Variants in PDE8A observed in about 807,000 individuals in gnomAD.
The protein encoded by PDE8A is high affinity cAMP-specific and IBMX-insensitive 3',5'-cyclic phosphodiesterase 8A.
Under a neutral mutation model 105.0 loss-of-function variants are expected in PDE8A, and 59 were observed. The ratio of observed to expected loss-of-function variants is 0.56; its 90% confidence interval spans 0.46 to 0.70. The LOEUF is 0.70. Ranked by LOEUF, PDE8A falls within the 30% of genes least tolerant of loss-of-function variation. PDE8A has a pLI of 0.00. For missense variants in PDE8A, 1,014 were observed against 1,045.9 expected, an observed-to-expected ratio of 0.97 and a Z score of 0.42; for synonymous variants, 355 against 371.9, an observed-to-expected ratio of 0.95 and a Z score of 0.52.
At chr15:85,023,681 A>G (rs2080466403) in intron 1 of PDE8A, among the ~76,000 whole-genome samples, 1 of 152,190 alleles carries the variant, frequency 6.6e-6, no homozygotes, top group African/African-American at 2.4e-5. Context: ...GTTCTGGCTG[A>G]TGAGGGGCTG....
intron 9 of PDE8A, among the ~76,000 whole-genome samples, chr15:85,099,422 T>G (rs1207177762): frequency 6.6e-6 from 1 of 152,254 alleles, no homozygotes; most frequent in Non-Finnish European, 1.5e-5. Context: ...TCTGATTCTT[T>G]GCCCTTTTAT....
chr15:84,984,291 A>G (rs1025835901), intron 1 of PDE8A, among the ~76,000 whole-genome samples: 1 of 152,246 alleles, frequency 6.6e-6, no homozygotes, highest in African/African-American at 2.4e-5. Flanking sequence ...GCATTTAGGC[A>G]TGTCAGATAG....
At chr15:85,113,298 G>A (rs1014550339) in intron 12 of PDE8A, 79 bp from the exon 13 acceptor site, 8 of 1,150,084 alleles carry the variant, frequency 7.0e-6, no homozygotes, top group African/African-American at 4.6e-5. Flanking sequence ...TCATGCAGCC[G>A]AGCACACTGA....
At chr15:85,031,017 C>T (rs959517760) in intron 1 of PDE8A, among the ~76,000 whole-genome samples, 4 of 152,182 alleles carry the variant, frequency 2.6e-5, no homozygotes, top group South Asian at 2.1e-4. Flanking sequence ...ACGTTTAGCG[C>T]ATAAAAGGTG....
intron 11 of PDE8A, among the ~76,000 whole-genome samples, chr15:85,108,462 T>C (rs1046220217): frequency 6.6e-6 from 1 of 151,962 alleles, no homozygotes; most frequent in Non-Finnish European, 1.5e-5. Flanking sequence ...GCCTTGTCAG[T>C]GATTGGTTTG....
chr15:85,086,942 T>G (rs1404005534), intron 6 of PDE8A, among the ~76,000 whole-genome samples: 2 of 152,032 alleles, frequency 1.3e-5, no homozygotes, highest in Non-Finnish European at 2.9e-5. Context: ...ATTGTATTTT[T>G]TAGTAGATAC....
chr15:85,136,747 G>A, intron 21 of PDE8A, 84 bp downstream of exon 21: 3 of 1,361,580 alleles, frequency 2.2e-6, no homozygotes, highest in Non-Finnish European at 3.0e-6. Flanking sequence ...TTTGACTGTA[G>A]AATATGATTT....
intron 1 of PDE8A, among the ~76,000 whole-genome samples, chr15:85,048,710 C>G (rs1179084684): frequency 3.9e-5 from 6 of 152,220 alleles, no homozygotes; most frequent in Non-Finnish European, 5.9e-5. Flanking sequence ...ATCGTTCAAA[C>G]TGGTCTCTCA....
chr15:85,051,334 T>C (rs1021522402), intron 1 of PDE8A, among the ~76,000 whole-genome samples: 1 of 152,258 alleles, frequency 6.6e-6, no homozygotes, highest in Non-Finnish European at 1.5e-5. Flanking sequence ...GCTAGGACTT[T>C]CTATGTTGAA....
At position 85,067,065 on chromosome 15, in the gene PDE8A, G is replaced by A. The variant is rs976575471; in HGVS notation, c.295G>A (p.Ala99Thr). 5.6e-6 allele frequency: 9 copies of A among 1,613,720 alleles called. No individual in the cohort carries two copies. Among genetic ancestry groups the A allele is most frequent in the Non-Finnish European group, 7.6e-6 (9 of 1,179,720 alleles). ...EDNQCNGFCR[A>T]CEKAGFKCTV... ...TAACCAATGTAATGGATTCTGCAGG[G>A]CATGTGAAAAAGCAGGGTTTAAGTG... is the stretch of plus-strand genomic sequence containing the variant. The change falls in exon 3 of 22, where the codon GCA (alanine) becomes ACA (threonine). Residue 99 changes from alanine (A) to threonine (T), a missense_variant. By Grantham distance (58) the Ala-to-Thr change is moderately conservative. Transcript: ENST00000394553.
At chr15:85,089,097 C>A (rs889808422) in intron 6 of PDE8A, among the ~76,000 whole-genome samples, 1 of 152,074 alleles carries the variant, frequency 6.6e-6, no homozygotes. Context: ...TATGTGGCCA[C>A]CCTGGCTCAC....
chr15:85,097,346 C>T (rs1046518067), intron 8 of PDE8A, among the ~76,000 whole-genome samples: 6 of 152,186 alleles, frequency 3.9e-5, no homozygotes, highest in African/African-American at 1.4e-4. Context: ...AAAGAATCCC[C>T]ACGTTCTGTG....
chr15:85,041,632 T>C (rs930105507), intron 1 of PDE8A, among the ~76,000 whole-genome samples: 5 of 152,242 alleles, frequency 3.3e-5, no homozygotes, highest in African/African-American at 1.2e-4. Flanking sequence ...CATTTTTTTC[T>C]TATATAAACA....
intron 1 of PDE8A, among the ~76,000 whole-genome samples, chr15:84,989,007 G>C (rs1340162347): frequency 6.6e-6 from 1 of 152,222 alleles, no homozygotes; most frequent in Non-Finnish European, 1.5e-5. Flanking sequence ...TTAACAGAAA[G>C]CTAAAATACC....
At chr15:85,036,912 C>T (rs75815736) in intron 1 of PDE8A, among the ~76,000 whole-genome samples, 2,879 of 152,254 alleles carry the variant, frequency 0.019, 70 homozygotes, top group African/African-American at 0.056. Flanking sequence ...TCAGAAACAG[C>T]AGCTAGCAGA....
At position 85,028,921 on chromosome 15, in the gene PDE8A, C is replaced by T. The variant is rs369280119; in HGVS notation, c.187-35449C>T. ...CATATTTCATTGCATATGTTTAAGA[C>T]TCAGTAAATATTGAGTTAAATTGCA... On this transcript the variant is annotated intron_variant, in intron 1 of 21. Transcript: ENST00000394553. Among the ~76,000 whole-genome samples, 7 of 152,090 alleles carry T rather than the reference C, an allele frequency of 4.6e-5. No homozygotes were observed. The East Asian group carries it at 9.6e-4, about 21-fold the overall frequency.
Position 84,982,153 on chromosome 15 carries a change from C to T in PDE8A, c.-10C>T, listed in dbSNP as rs1264841149. The stretch of plus-strand genomic sequence containing the variant: ...CTACCCGCCAGCGTGTCCGCGGCGC[C>T]GCCGCCAGCATGGGCTGTGCCCCGA... On this transcript the variant is annotated 5_prime_UTR_variant, in exon 1 of 22. Transcript: ENST00000394553. 9 of 1,341,718 alleles carry T rather than the reference C, an allele frequency of 6.7e-6. No individual in the cohort carries two copies. Among genetic ancestry groups the T allele is most frequent in the Non-Finnish European group, 5.7e-6 (6 of 1,049,404 alleles). The allele number at this position is 1,341,718 out of a possible 1,614,324, so 83.1% of individuals were successfully genotyped here. A position where few individuals can be genotyped will look rare whatever the true frequency, so the allele number is the denominator to read the frequency against.
chr15:85,123,944 CCTT>C (rs955818247), intron 19 of PDE8A, among the ~76,000 whole-genome samples: 4 of 152,180 alleles, frequency 2.6e-5, no homozygotes, highest in Non-Finnish European at 4.4e-5. Flanking sequence ...TATCCCCCTC[CCTT>C]CTTCTCCATT....
chr15:85,057,479 G>A (rs113696464), intron 1 of PDE8A, among the ~76,000 whole-genome samples: 1,761 of 152,254 alleles, frequency 0.012, 34 homozygotes, highest in African/African-American at 0.039. Flanking sequence ...CTGACCCCTT[G>A]TGCTTCCCGG....
Sources: gnomAD v4.1 joint callset for allele counts (sites outside exome capture counted in the v4.1 genomes callset) on GRCh38, gnomAD v4.1.1 for gene constraint, MANE v1.5 for transcripts, NCBI Gene and HGNC (gene_info 2026-07-23, HGNC 2026-07-21) for gene names.